SMAD2: variants seen among roughly 807,000 people sequenced by gnomAD.
SMAD2 encodes the protein SMAD family member 2, also known as MAD homolog 2.
Under a neutral mutation model 64.4 loss-of-function variants are expected in SMAD2, and 8 were observed. That is an observed-to-expected ratio of 0.12 (90% CI 0.07 to 0.22). The LOEUF is 0.22. Ranked by LOEUF, SMAD2 falls within the 10% of genes least tolerant of loss-of-function variation. The pLI is 1.00. For missense variants in SMAD2, 289 were observed against 561.2 expected (o/e 0.51, Z 4.90); for synonymous variants, 203 against 195.8 (o/e 1.04, Z -0.31).
chr18:47,879,494 A>AAG (rs1687917942), intron 2 of SMAD2, among the ~76,000 whole-genome samples: 1 of 54,528 alleles, frequency 1.8e-5, no homozygotes, highest in African/African-American at 6.9e-5. Context: ...AATGTATATG[A>AAG]CGTGTGTGTG....
intron 2 of SMAD2, 83 bp from the exon 3 acceptor site, chr18:47,870,647 A>C: frequency 1.1e-6 from 1 of 892,922 alleles, no homozygotes; most frequent in Non-Finnish European, 1.9e-6. Context: ...AACATGGAGA[A>C]TGTACAGAAT....
At chr18:47,901,601 C>G (rs947674625) in intron 1 of SMAD2, among the ~76,000 whole-genome samples, 1 of 151,942 alleles carries the variant, frequency 6.6e-6, no homozygotes, top group African/African-American at 2.4e-5. Context: ...AGTGGTTACC[C>G]TAGATATTTT....
Position 47,834,654 on chromosome 18 carries a change from GTTAACT to G in SMAD2, c.*7167_*7172del, listed in dbSNP as rs1483057814. The G allele has an allele frequency of 1.1e-5, 2 of 183,062 alleles. No individual in the cohort carries two copies. The highest frequency in any genetic ancestry group is 5.3e-5 in the African/African-American group (2 of 37,492). 11.3% of individuals were successfully genotyped at this position (183,062 alleles called of 1,614,324 possible). On this transcript the variant is annotated 3_prime_UTR_variant, in exon 11 of 11. Transcript: ENST00000262160. ...GGAAGTCCAGAAATACCTTAAACGT[GTTAACT>G]TTAAGAAGAGTTGGTAGTAATCAAG...
chr18:47,850,092 G>T (rs1251170539), intron 7 of SMAD2, among the ~76,000 whole-genome samples: 2 of 142,170 alleles, frequency 1.4e-5, no homozygotes, highest in Non-Finnish European at 3.0e-5. Flanking sequence ...TTTTCAATCT[G>T]CAGTTGGTTG....
intron 3 of SMAD2, among the ~76,000 whole-genome samples, chr18:47,870,087 A>G (rs1488656701): frequency 4.8e-5 from 5 of 105,258 alleles, no homozygotes; most frequent in Non-Finnish European, 1.0e-4. Flanking sequence ...TAAGGGGTTC[A>G]TTAAGTATGT....
At position 47,813,575 on chromosome 18, in the gene SMAD2, T is replaced by A. The variant is rs1912272835; in HGVS notation, c.*28252A>T. 1 of 151,716 alleles carries A rather than the reference T, an allele frequency of 6.6e-6. No homozygotes were observed. The highest frequency in any genetic ancestry group is 2.4e-5 in the African/African-American group (1 of 41,232). The allele number at this position is 151,716 out of a possible 1,614,324, so 9.4% of individuals were successfully genotyped here. On this transcript the variant is annotated 3_prime_UTR_variant, in exon 11 of 11. Coordinates refer to ENST00000262160, the MANE Select transcript of SMAD2 (RefSeq NM_005901.6). The stretch of plus-strand genomic sequence containing the variant: ...GCACACACCACCACACCCGGCTAAT[T>A]TTCTGCATTTTTAGTACAGATGGGG...
intron 1 of SMAD2, among the ~76,000 whole-genome samples, chr18:47,905,132 A>T (rs963715267): frequency 7.2e-5 from 11 of 152,208 alleles, no homozygotes; most frequent in African/African-American, 2.7e-4. Flanking sequence ...CAAGTAATCT[A>T]CTTACTGGAA....
At position 47,829,795 on chromosome 18, in the gene SMAD2, C is replaced by A. The variant is rs1057363986; in HGVS notation, c.*12032G>T. The A allele has an allele frequency of 1.3e-5, 2 of 152,024 alleles. No homozygotes were observed. Among genetic ancestry groups the A allele is most frequent in the Non-Finnish European group, 2.9e-5 (2 of 68,010 alleles). The allele number at this position is 152,024 out of a possible 1,614,324, so 9.4% of individuals were successfully genotyped here. A position where few individuals can be genotyped will look rare whatever the true frequency, so the allele number is the denominator to read the frequency against. ...TAGCTTTTTATGTTTTATGTTTTACCAACAAATAATTTGTATGTTAAATTT... is the reference window on the plus strand; with the variant it reads ...TAGCTTTTTATGTTTTATGTTTTACAAACAAATAATTTGTATGTTAAATTT... On this transcript the variant is annotated 3_prime_UTR_variant, in exon 11 of 11. Transcript: ENST00000262160.
intron 8 of SMAD2, among the ~76,000 whole-genome samples, chr18:47,848,088 C>T (rs1914700873): frequency 6.6e-6 from 1 of 151,466 alleles, no homozygotes; most frequent in South Asian, 2.1e-4. Context: ...GGGAAAAAAC[C>T]TGGGAGCTAT....
At chr18:47,853,749 GCTGGCAAGTCACAAA>G (rs2030383497) in intron 6 of SMAD2, among the ~76,000 whole-genome samples, 1 of 28,646 alleles carries the variant, frequency 3.5e-5, no homozygotes, top group African/African-American at 1.3e-4. Flanking sequence ...TGAAAAATCT[GCTGGCAAGTCACAAA>G]TCTGCTGGCA....
intron 2 of SMAD2, among the ~76,000 whole-genome samples, chr18:47,889,076 G>C (rs1393476190): frequency 2.0e-5 from 3 of 151,420 alleles, no homozygotes; most frequent in Non-Finnish European, 4.4e-5. Context: ...CTCAAAAGTA[G>C]ATCAACAGAA....
rs1470235290 is a variant in SMAD2, at chr18:47,820,859, G to A, written c.*20968C>T. Reference sequence around the variant, plus strand: ...TATTCTATACATATGCTATATATTTGTATATACACGATAGTGTAAATGCTA... The same window carrying A: ...TATTCTATACATATGCTATATATTTATATATACACGATAGTGTAAATGCTA... On this transcript the variant is annotated 3_prime_UTR_variant, in exon 11 of 11. Transcript: ENST00000262160. 4.7e-5 allele frequency: 7 copies of A among 147,966 alleles called. No homozygotes were observed. The highest frequency in any genetic ancestry group is 1.5e-4 in the African/African-American group (6 of 39,802). The allele number at this position is 147,966 out of a possible 1,614,324, so 9.2% of individuals were successfully genotyped here.
At chr18:47,870,679 T>G in intron 2 of SMAD2, 115 bp from the exon 3 acceptor site, 1 of 782,686 alleles carries the variant, frequency 1.3e-6, no homozygotes, top group East Asian at 2.5e-5. Context: ...CCAGAAAATA[T>G]ACAATTGCTT....
rs1181687413 is a variant in SMAD2 at position 47,817,106 on chromosome 18, T to G, written c.*24721A>C. The G allele has an allele frequency of 1.3e-5, 2 of 151,856 alleles. No homozygotes were observed. Among genetic ancestry groups the G allele is most frequent in the Non-Finnish European group, 2.9e-5 (2 of 67,946 alleles). The allele number at this position is 151,856 out of a possible 1,614,324, so 9.4% of individuals were successfully genotyped here. On this transcript the variant is annotated 3_prime_UTR_variant, in exon 11 of 11. Coordinates refer to ENST00000262160, the MANE Select transcript of SMAD2 (RefSeq NM_005901.6). ...AGCAATGCTGTATTCCCAAATAGAG[T>G]TTTCTTTTAGAGAGCCTCTCTCTGT... is the stretch of plus-strand genomic sequence containing the variant.
Position 47,819,924 on chromosome 18 carries a change from G to A in SMAD2, c.*21903C>T, listed in dbSNP as rs1912512456. Reference sequence around the variant, plus strand: ...AAACGGAGGCAGGAGGATTGTGTGAGTTGGAGTTTGAGGCTGCAGTGTGCT... The same window carrying A: ...AAACGGAGGCAGGAGGATTGTGTGAATTGGAGTTTGAGGCTGCAGTGTGCT... On this transcript the variant is annotated 3_prime_UTR_variant, in exon 11 of 11. Transcript: ENST00000262160. 6.6e-6 allele frequency: 1 copy of A among 152,188 alleles called. No individual in the cohort carries two copies. Among genetic ancestry groups the A allele is most frequent in the Non-Finnish European group, 1.5e-5 (1 of 68,038 alleles). The allele number at this position is 152,188 out of a possible 1,614,324, so 9.4% of individuals were successfully genotyped here.
rs765399650 is a variant in SMAD2, at chr18:47,868,309, G to A, written c.655+14C>T. 5.6e-6 allele frequency: 9 copies of A among 1,610,762 alleles called. 1 individual carries two copies. In the Middle Eastern group the frequency reaches 5.0e-4, roughly 89 times the overall value. Reference sequence around the variant, plus strand: ...ATCTATCCAAGTTTTAGGAGATTCAGAAGGCAAAAATACCTGGAATATAAT... The same window carrying A: ...ATCTATCCAAGTTTTAGGAGATTCAAAAGGCAAAAATACCTGGAATATAAT... On this transcript the variant is annotated intron_variant, in intron 5 of 10. Transcript: ENST00000262160.
chr18:47,916,992 C>T (rs1043555891), intron 1 of SMAD2, among the ~76,000 whole-genome samples: 2 of 152,080 alleles, frequency 1.3e-5, no homozygotes, highest in African/African-American at 2.4e-5. Context: ...TTGTTGTTGT[C>T]GTTGTTGAGA....
Position 47,906,811 on chromosome 18 carries a change from C to A in SMAD2, c.-53-10002G>T, listed in dbSNP as rs368042959. Among the ~76,000 whole-genome samples, 5 of 152,068 alleles carry A rather than the reference C, an allele frequency of 3.3e-5. No individual in the cohort carries two copies. In the East Asian group the frequency reaches 7.7e-4, roughly 23 times the overall value. ...TGTGCTCTCTCCCCCACCTTCAGAGCACATCATTCCAATCTCTGCTTCCAT... is the reference window on the plus strand; with the variant it reads ...TGTGCTCTCTCCCCCACCTTCAGAGAACATCATTCCAATCTCTGCTTCCAT... On this transcript the variant is annotated intron_variant, in intron 1 of 10. Transcript: ENST00000262160.
At chr18:47,902,976 C>T (rs1266657488) in intron 1 of SMAD2, among the ~76,000 whole-genome samples, 2 of 152,112 alleles carry the variant, frequency 1.3e-5, no homozygotes. Flanking sequence ...ACCACTCATC[C>T]CCATAGGTTT....
Sources: gnomAD v4.1 joint callset for allele counts (sites outside exome capture counted in the v4.1 genomes callset) on GRCh38, gnomAD v4.1.1 for gene constraint, MANE v1.5 for transcripts, NCBI Gene and HGNC (gene_info 2026-07-23, HGNC 2026-07-21) for gene names.